Variants in DNM3 observed in about 807,000 individuals in gnomAD.
DNM3 encodes dynamin 3.
DNM3 carries 47 observed loss-of-function variants against 101.6 expected under a neutral mutation model. That is an observed-to-expected ratio of 0.46 (90% CI 0.37 to 0.59). The LOEUF (loss-of-function observed/expected upper bound fraction) is 0.59. Among genes scored for constraint, DNM3 ranks in the 20% least tolerant of loss-of-function variants. The probability of loss-of-function intolerance (pLI) is 0.00; values close to 1 mark genes in which losing one functional copy is unlikely to be tolerated. For synonymous variants in DNM3, 385 were observed against 387.9 expected, an observed-to-expected ratio of 0.99 and a Z score of 0.09; for missense variants, 849 against 1,085.7, an observed-to-expected ratio of 0.78 and a Z score of 3.06.
chr1:172,130,137 G>A (rs1030726337), intron 13 of DNM3, among the ~76,000 whole-genome samples: 1 of 151,894 alleles, frequency 6.6e-6, no homozygotes, highest in African/African-American at 2.4e-5. Flanking sequence ...TGATTATTAG[G>A]GTATTTTCAT....
chr1:172,274,401 A>G (rs551678129), intron 15 of DNM3, among the ~76,000 whole-genome samples: 1 of 152,214 alleles, frequency 6.6e-6, no homozygotes, highest in Non-Finnish European at 1.5e-5. Context: ...GGACAGCCTT[A>G]TCACCAACAA....
At chr1:171,854,650 T>C (rs914741188) in intron 1 of DNM3, among the ~76,000 whole-genome samples, 2 of 152,010 alleles carry the variant, frequency 1.3e-5, no homozygotes, top group African/African-American at 2.4e-5. Flanking sequence ...CAAAGAAAAA[T>C]TGAAAGACCT....
At chr1:171,975,843 C>T (rs763638911) in intron 2 of DNM3, among the ~76,000 whole-genome samples, 15 of 152,250 alleles carry the variant, frequency 9.9e-5, no homozygotes, top group Middle Eastern at 3.4e-3. Flanking sequence ...ACAGGTTCCA[C>T]GGTTTGTGCC....
chr1:172,208,840 C>T (rs773882763), intron 14 of DNM3, among the ~76,000 whole-genome samples: 3 of 151,958 alleles, frequency 2.0e-5, no homozygotes, highest in African/African-American at 7.2e-5. Flanking sequence ...AGCACTTGCA[C>T]GTTTGTGCAT....
intron 7 of DNM3, among the ~76,000 whole-genome samples, chr1:172,039,900 T>TA (rs2049248967): frequency 6.6e-6 from 1 of 152,080 alleles, no homozygotes; most frequent in East Asian, 1.9e-4. Flanking sequence ...AAAACAGACA[T>TA]AAAAATTAAC....
At chr1:172,074,383 G>A (rs1186642078) in intron 11 of DNM3, among the ~76,000 whole-genome samples, 1 of 152,048 alleles carries the variant, frequency 6.6e-6, no homozygotes, top group East Asian at 1.9e-4. Flanking sequence ...TGTTACATAG[G>A]TATGCACGCG....
At chr1:172,157,540 G>A (rs1558654215) in intron 14 of DNM3, among the ~76,000 whole-genome samples, 1 of 152,018 alleles carries the variant, frequency 6.6e-6, no homozygotes, top group Non-Finnish European at 1.5e-5. Context: ...AGGATATACA[G>A]TTGACCCTCT....
intron 1 of DNM3, among the ~76,000 whole-genome samples, chr1:171,900,789 G>A (rs1270560821): frequency 2.0e-5 from 3 of 152,014 alleles, no homozygotes; most frequent in Admixed American, 6.6e-5. Context: ...TACTAATGCC[G>A]ATAAAATATG....
chr1:172,293,873 G>T (rs546680143), intron 15 of DNM3, among the ~76,000 whole-genome samples: 1 of 152,286 alleles, frequency 6.6e-6, no homozygotes, highest in South Asian at 2.1e-4. Context: ...CTGGAGAAAG[G>T]TCAGTGAGAA....
At chr1:172,406,955 C>T (rs558981456) in intron 20 of DNM3, among the ~76,000 whole-genome samples, 48 of 151,760 alleles carry the variant, frequency 3.2e-4, no homozygotes, top group African/African-American at 1.1e-3. Flanking sequence ...GTCAAGTACA[C>T]AAATACACTA....
chr1:172,378,251 C>T (rs1222067201), intron 17 of DNM3: 2 of 152,052 alleles, frequency 1.3e-5, no homozygotes, highest in Non-Finnish European at 1.5e-5. Context: ...GCCATTCCAG[C>T]TCAGCCTCTG....
chr1:172,181,127 G>A (rs535441), intron 14 of DNM3, among the ~76,000 whole-genome samples: 35,884 of 151,878 alleles, frequency 0.24, 7,056 homozygotes, highest in African/African-American at 0.54. Context: ...TAGTAATTTT[G>A]AAAGCATAAG....
chr1:172,388,912 C>G (rs1029997418), intron 20 of DNM3, 103 bp downstream of exon 20: 5 of 1,016,864 alleles, frequency 4.9e-6, no homozygotes, highest in African/African-American at 4.9e-5. Context: ...AAGATCTTAT[C>G]GTACGTGTTT....
chr1:171,991,792 C>A (rs1003237327), intron 4 of DNM3, among the ~76,000 whole-genome samples: 1 of 152,186 alleles, frequency 6.6e-6, no homozygotes, highest in African/African-American at 2.4e-5. Context: ...CAAAAAGATA[C>A]TTATCACTTT....
chr1:172,341,850 G>A (rs558229257), intron 17 of DNM3, among the ~76,000 whole-genome samples: 1 of 152,150 alleles, frequency 6.6e-6, no homozygotes, highest in East Asian at 1.9e-4. Flanking sequence ...GACGCCAAAA[G>A]CAATTGCAAT....
chr1:172,252,264 T>C, intron 14 of DNM3, among the ~76,000 whole-genome samples: 1 of 152,152 alleles, frequency 6.6e-6, no homozygotes, highest in South Asian at 2.1e-4. Context: ...TGCTACCTTT[T>C]TGCTATTCTA....
chr1:171,874,282 T>G (rs2035560408), intron 1 of DNM3, among the ~76,000 whole-genome samples: 1 of 151,866 alleles, frequency 6.6e-6, no homozygotes, highest in Non-Finnish European at 1.5e-5. Flanking sequence ...TATACACATA[T>G]GCATAGTTTA....
At chr1:171,944,170 A>G (rs865870553) in intron 2 of DNM3, among the ~76,000 whole-genome samples, 5 of 152,054 alleles carry the variant, frequency 3.3e-5, no homozygotes, top group Non-Finnish European at 5.9e-5. Flanking sequence ...ATGGTCTCTG[A>G]TATTTGAATT....
At chr1:171,908,145 T>G (rs764622462) in intron 1 of DNM3, among the ~76,000 whole-genome samples, 4 of 152,234 alleles carry the variant, frequency 2.6e-5, no homozygotes, top group Non-Finnish European at 5.9e-5. Context: ...GGTCAAGTTC[T>G]ACAAAATTTA....
Sources: gnomAD v4.1 joint callset for allele counts (sites outside exome capture counted in the v4.1 genomes callset) on GRCh38, gnomAD v4.1.1 for gene constraint, MANE v1.5 for transcripts, NCBI Gene and HGNC (gene_info 2026-07-23, HGNC 2026-07-21) for gene names.